The following DPP6 variants were observed in gnomAD, a reference collection of about 807,000 sequenced individuals.
DPP6 encodes the protein A-type potassium channel modulatory protein DPP6.
DPP6 carries 69 observed loss-of-function variants against 122.6 expected under a neutral mutation model. The observed-to-expected ratio is 0.56, with a 90% CI of 0.46 to 0.69. DPP6 has a LOEUF of 0.69. DPP6 is among the 30% of genes least tolerant of loss of function. The pLI is 0.00. For synonymous variants in DPP6, 418 were observed against 433.1 expected (o/e 0.97, Z 0.43); for missense variants, 928 against 1,116.9 (o/e 0.83, Z 2.41).
the DPP6 span, among the ~76,000 whole-genome samples, chr7:153,768,221 TG>T: frequency 6.9e-6 from 1 of 145,280 alleles, no homozygotes; most frequent in Non-Finnish European, 1.5e-5. Flanking sequence ...TACAGCAACC[TG>T]GGAAAAGAAA....
chr7:154,252,628 C>T (rs985480466), intron 1 of DPP6, among the ~76,000 whole-genome samples: 3 of 152,118 alleles, frequency 2.0e-5, no homozygotes, highest in Admixed American at 2.0e-4. Context: ...GTTATCAAAG[C>T]AGGAGAATCA....
chr7:154,227,734 G>A (rs143309448), intron 1 of DPP6, among the ~76,000 whole-genome samples: 9 of 152,116 alleles, frequency 5.9e-5, no homozygotes, highest in Admixed American at 5.2e-4. Flanking sequence ...TTCAGGGTGG[G>A]TAAGACTTAT....
At chr7:154,414,744 G>C (rs1394238045) in intron 1 of DPP6, among the ~76,000 whole-genome samples, 1 of 152,206 alleles carries the variant, frequency 6.6e-6, no homozygotes, top group Non-Finnish European at 1.5e-5. Context: ...AGGGCTGGAG[G>C]AGCCTCCACC....
At chr7:154,112,534 C>T (rs912799972) in intron 1 of DPP6, among the ~76,000 whole-genome samples, 50 of 151,944 alleles carry the variant, frequency 3.3e-4, no homozygotes, top group African/African-American at 1.1e-3. Context: ...AACCCCAGCT[C>T]CTCAGGAGGC....
chr7:154,575,439 G>A (rs1464054224), intron 5 of DPP6, among the ~76,000 whole-genome samples: 1 of 109,302 alleles, frequency 9.1e-6, no homozygotes, highest in Admixed American at 9.2e-5. Context: ...GTGTATGTGT[G>A]TGGTGTGTGT....
At chr7:154,779,142 C>CCTCCACCACCACCACCAT in intron 10 of DPP6, among the ~76,000 whole-genome samples, 2 of 150,808 alleles carry the variant, frequency 1.3e-5, no homozygotes, top group East Asian at 2.0e-4. Context: ...GCTATCACCA[C>CCTCCACCACCACCACCAT]CACCCCCACC....
At chr7:154,156,768 G>T (rs955164972) in intron 1 of DPP6, among the ~76,000 whole-genome samples, 2 of 149,912 alleles carry the variant, frequency 1.3e-5, no homozygotes, top group Non-Finnish European at 3.0e-5. Flanking sequence ...GGTATAGATA[G>T]GTAGGTAGGT....
At chr7:154,076,176 G>A (rs1803536253) in intron 1 of DPP6, among the ~76,000 whole-genome samples, 1 of 152,136 alleles carries the variant, frequency 6.6e-6, no homozygotes, top group South Asian at 2.1e-4. Flanking sequence ...AAGGCTGGGC[G>A]CAGTGCCTCA....
intron 16 of DPP6, 65 bp downstream of exon 16, chr7:154,807,177 G>A (rs757966251): frequency 3.7e-4 from 584 of 1,568,558 alleles, no homozygotes; most frequent in Non-Finnish European, 4.8e-4. Context: ...GAGGGGGTGG[G>A]CACACTTGCA....
At chr7:154,422,120 G>A (rs1817517188) in intron 1 of DPP6, among the ~76,000 whole-genome samples, 1 of 152,224 alleles carries the variant, frequency 6.6e-6, no homozygotes, top group Admixed American at 6.5e-5. Context: ...TACAGAGAAA[G>A]AGGAAGGACA....
At chr7:154,653,783 G>A (rs1465194790) in intron 6 of DPP6, among the ~76,000 whole-genome samples, 4 of 151,782 alleles carry the variant, frequency 2.6e-5, no homozygotes, top group Non-Finnish European at 4.4e-5. Flanking sequence ...CTGCTTCCCC[G>A]TCATGTCTTC....
chr7:154,374,189 C>T (rs1181818481), intron 1 of DPP6, among the ~76,000 whole-genome samples: 1 of 152,168 alleles, frequency 6.6e-6, no homozygotes, highest in Admixed American at 6.5e-5. Flanking sequence ...ATCCTAGCTC[C>T]ACAACCACCT....
intron 1 of DPP6, among the ~76,000 whole-genome samples, chr7:153,975,747 A>T (rs1294007497): frequency 6.6e-6 from 1 of 152,102 alleles, no homozygotes; most frequent in Non-Finnish European, 1.5e-5. Flanking sequence ...ATCCTTCAAG[A>T]AAAAAGGAAA....
chr7:154,698,963 A>G (rs900431312), intron 7 of DPP6, among the ~76,000 whole-genome samples: 2 of 152,220 alleles, frequency 1.3e-5, no homozygotes, highest in African/African-American at 4.8e-5. Context: ...TGAGTAACCT[A>G]CAGACGGGAT....
intron 1 of DPP6, among the ~76,000 whole-genome samples, chr7:154,396,130 A>G (rs1815065051): frequency 6.6e-6 from 1 of 152,208 alleles, no homozygotes; most frequent in Non-Finnish European, 1.5e-5. Context: ...TAATGGCACA[A>G]ATAAAAATTA....
intron 1 of DPP6, among the ~76,000 whole-genome samples, chr7:154,400,888 GATGA>G (rs1815513732): frequency 6.6e-6 from 1 of 152,146 alleles, no homozygotes; most frequent in African/African-American, 2.4e-5. Flanking sequence ...TGTAGTGTAA[GATGA>G]ATTGCACAGC....
At chr7:153,865,904 T>A in the DPP6 span, among the ~76,000 whole-genome samples, 1 of 150,854 alleles carries the variant, frequency 6.6e-6, no homozygotes, top group South Asian at 2.1e-4. Flanking sequence ...CATGTGGTGT[T>A]TAGTTTTTTG....
chr7:154,455,651 A>T (rs988647988), intron 2 of DPP6, among the ~76,000 whole-genome samples: 1 of 152,120 alleles, frequency 6.6e-6, no homozygotes, highest in Non-Finnish European at 1.5e-5. Context: ...CCCATCATTA[A>T]TTCTAGAAGG....
chr7:154,110,499 GA>G (rs1053055301), intron 1 of DPP6, among the ~76,000 whole-genome samples: 1 of 152,148 alleles, frequency 6.6e-6, no homozygotes, highest in African/African-American at 2.4e-5. Flanking sequence ...AAATAGACAA[GA>G]AGGACAGAAA....
Sources: gnomAD v4.1 joint callset for allele counts (sites outside exome capture counted in the v4.1 genomes callset) on GRCh38, gnomAD v4.1.1 for gene constraint, MANE v1.5 for transcripts, NCBI Gene and HGNC (gene_info 2026-07-23, HGNC 2026-07-21) for gene names.